Variants in MTUS1 observed in about 807,000 individuals in gnomAD.
MTUS1 encodes the protein microtubule-associated tumor suppressor 1.
In MTUS1, 109 loss-of-function variants were observed where a neutral mutation model predicts 120.8. That is an observed-to-expected ratio of 0.90 (90% CI 0.77 to 1.06). MTUS1 has a LOEUF of 1.06. Among genes scored for constraint, MTUS1 ranks in the 50% least tolerant of loss-of-function variants. The pLI, the probability that MTUS1 is intolerant of heterozygous loss-of-function variation, is 0.00. For synonymous variants in MTUS1, 737 were observed against 550.5 expected, an observed-to-expected ratio of 1.34 and a Z score of -4.74; for missense variants, 2,210 against 1,486.3, an observed-to-expected ratio of 1.49 and a Z score of -8.01.
chr8:17,666,465 T>C (rs1810932375), intron 8 of MTUS1, among the ~76,000 whole-genome samples: 2 of 152,300 alleles, frequency 1.3e-5, no homozygotes, highest in South Asian at 2.1e-4. Flanking sequence ...ATATTATTCT[T>C]ACTATGCTTG....
intron 1 of MTUS1, among the ~76,000 whole-genome samples, chr8:17,794,556 A>T (rs1220479793): frequency 6.6e-6 from 1 of 152,020 alleles, no homozygotes; most frequent in Admixed American, 6.6e-5. Flanking sequence ...TCCATTTCTC[A>T]TTCTCCAATA....
At chr8:17,783,493 C>A (rs1172754296) in intron 1 of MTUS1, among the ~76,000 whole-genome samples, 1 of 152,114 alleles carries the variant, frequency 6.6e-6, no homozygotes, top group Non-Finnish European at 1.5e-5. Context: ...AATCTGTCCT[C>A]ACTAGACATG....
intron 9 of MTUS1, 36 bp from the exon 10 acceptor site, chr8:17,654,702 A>G (rs948419801): frequency 4.1e-6 from 6 of 1,464,368 alleles, no homozygotes; most frequent in Admixed American, 1.7e-5. Context: ...TTTAACAGTA[A>G]AACCAAATGT....
rs893794058 is a variant in MTUS1 at position 17,800,178 on chromosome 8, T to C, written c.-155+883A>G. Among the ~76,000 whole-genome samples, 10 of 152,118 alleles carry C rather than the reference T, an allele frequency of 6.6e-5. No homozygotes were observed. In the East Asian group the frequency reaches 9.6e-4, roughly 15 times the overall value. Reference sequence around the variant, plus strand: ...AGGAAGCAATGACTCTCTTTTTTAATCCCCTCCCTCCTGCATTGCCTCCCT... The same window carrying C: ...AGGAAGCAATGACTCTCTTTTTTAACCCCCTCCCTCCTGCATTGCCTCCCT... On this transcript the variant is annotated intron_variant, in intron 1 of 14. Transcript: ENST00000693296.
At chr8:17,661,378 T>C (rs1006500712) in intron 8 of MTUS1, among the ~76,000 whole-genome samples, 5 of 152,230 alleles carry the variant, frequency 3.3e-5, no homozygotes, top group Admixed American at 1.3e-4. Flanking sequence ...TGAACCCATC[T>C]GGAAGCTCAT....
intron 1 of MTUS1, among the ~76,000 whole-genome samples, chr8:17,785,405 C>G (rs956209606): frequency 6.6e-6 from 1 of 152,156 alleles, no homozygotes; most frequent in Non-Finnish European, 1.5e-5. Flanking sequence ...GTGAGTGCTT[C>G]TCAGCCTTTC....
At chr8:17,688,811 T>C (rs972606186) in intron 6 of MTUS1, among the ~76,000 whole-genome samples, 1 of 152,226 alleles carries the variant, frequency 6.6e-6, no homozygotes, top group Admixed American at 6.5e-5. Context: ...AGGAGACATA[T>C]ATTTTTCTAT....
At chr8:17,747,330 A>C (rs1471722344) in intron 2 of MTUS1, among the ~76,000 whole-genome samples, 1 of 152,176 alleles carries the variant, frequency 6.6e-6, no homozygotes, top group East Asian at 1.9e-4. Context: ...TAGTGACAAC[A>C]TGTGATGTCC....
chr8:17,746,688 T>G (rs1365761741), intron 2 of MTUS1, among the ~76,000 whole-genome samples: 1 of 152,148 alleles, frequency 6.6e-6, no homozygotes, highest in Non-Finnish European at 1.5e-5. Context: ...AGATGAGATT[T>G]GGGTGGGGAC....
At chr8:17,704,481 T>G (rs73200179) in intron 6 of MTUS1, among the ~76,000 whole-genome samples, 5,068 of 152,278 alleles carry the variant, frequency 0.033, 116 homozygotes, top group Non-Finnish European at 0.052. Flanking sequence ...ATTTCATTAT[T>G]TTGCTTGTGG....
chr8:17,676,241 C>A (rs758811696), intron 7 of MTUS1: 7 of 702,856 alleles, frequency 1.0e-5, no homozygotes, highest in South Asian at 8.9e-5. Flanking sequence ...TCCTGACATT[C>A]TTCCAGAAAA....
chr8:17,685,254 C>A (rs1390381069), intron 6 of MTUS1, among the ~76,000 whole-genome samples: 2 of 151,986 alleles, frequency 1.3e-5, no homozygotes, highest in Admixed American at 1.3e-4. Context: ...TCCAAATCCA[C>A]CCAAAATGCC....
At chr8:17,681,495 C>A (rs1479047563) in intron 7 of MTUS1, 1 of 154,494 alleles carries the variant, frequency 6.5e-6, no homozygotes, top group East Asian at 1.9e-4. Flanking sequence ...AACTCTATGC[C>A]TCAATTTTCA....
intron 1 of MTUS1, among the ~76,000 whole-genome samples, chr8:17,772,150 G>A (rs1440572700): frequency 1.3e-5 from 2 of 152,106 alleles, no homozygotes; most frequent in Non-Finnish European, 2.9e-5. Flanking sequence ...AGTGCATTTA[G>A]GATAAAACTC....
intron 1 of MTUS1, among the ~76,000 whole-genome samples, chr8:17,797,072 C>T (rs944837791): frequency 1.3e-5 from 2 of 151,758 alleles, no homozygotes; most frequent in Non-Finnish European, 2.9e-5. Flanking sequence ...AGATCGCACG[C>T]ACCACTGCAC....
At chr8:17,691,866 T>C (rs1056136246) in intron 6 of MTUS1, 3 of 152,182 alleles carry the variant, frequency 2.0e-5, no homozygotes, top group Non-Finnish European at 2.9e-5. Flanking sequence ...TAATAACATA[T>C]TAAGCATACA....
chr8:17,654,831 G>A (rs1807850877), intron 9 of MTUS1, 165 bp from the exon 10 acceptor site: 3 of 604,846 alleles, frequency 5.0e-6, no homozygotes, highest in South Asian at 4.1e-5. Context: ...GTTCACACTT[G>A]TAACCTCAGC....
intron 1 of MTUS1, among the ~76,000 whole-genome samples, chr8:17,797,577 C>A (rs1003334503): frequency 6.6e-6 from 1 of 152,152 alleles, no homozygotes; most frequent in Non-Finnish European, 1.5e-5. Flanking sequence ...ACCATCCCAT[C>A]TAGTCCTTCA....
In MTUS1 at chr8:17,682,241, C is replaced by T. The variant is rs183688919; in HGVS notation, c.2838+2087G>A. Among the ~76,000 whole-genome samples the T allele has an allele frequency of 3.4e-3, 516 of 152,214 alleles. 5 individuals carry two copies. Among genetic ancestry groups the T allele is most frequent in the African/African-American group, 0.01 (422 of 41,528 alleles). ...TAAAAAGGTGCTATCACAGGTTGGGCGCAGTGGCTCACGCCTGTAATTGCA... is the reference window on the plus strand; with the variant it reads ...TAAAAAGGTGCTATCACAGGTTGGGTGCAGTGGCTCACGCCTGTAATTGCA... On this transcript the variant is annotated intron_variant, in intron 7 of 14. Coordinates refer to ENST00000693296, the MANE Select transcript of MTUS1 (RefSeq NM_001363059.2).
Sources: gnomAD v4.1 joint callset for allele counts (sites outside exome capture counted in the v4.1 genomes callset) on GRCh38, gnomAD v4.1.1 for gene constraint, MANE v1.5 for transcripts, NCBI Gene and HGNC (gene_info 2026-07-23, HGNC 2026-07-21) for gene names.